The following GNAT3 variants were observed in gnomAD, a reference collection of about 807,000 sequenced individuals.
GNAT3 encodes the protein G protein subunit alpha transducin 3, also known as guanine nucleotide-binding protein G(t) subunit alpha-3.
In GNAT3, 31 loss-of-function variants were observed where a neutral mutation model predicts 37.7. That is an observed-to-expected ratio of 0.82 (90% confidence interval 0.62 to 1.11). GNAT3 has a LOEUF of 1.11. Among genes scored for constraint, GNAT3 ranks in the 50% most tolerant of loss-of-function variants. The pLI is 0.00. For synonymous variants in GNAT3, 138 were observed against 139.8 expected, an observed-to-expected ratio of 0.99 and a Z score of 0.09; for missense variants, 437 against 412.5, an observed-to-expected ratio of 1.06 and a Z score of -0.51.
intron 2 of GNAT3, among the ~76,000 whole-genome samples, chr7:80,491,231 A>T (rs768946952): frequency 2.0e-5 from 3 of 152,192 alleles, no homozygotes; most frequent in Non-Finnish European, 4.4e-5. Flanking sequence ...GTGAAGGCTT[A>T]GCATAACTAT....
At chr7:80,472,725 T>C (rs183269077) in intron 5 of GNAT3, among the ~76,000 whole-genome samples, 37 of 152,004 alleles carry the variant, frequency 2.4e-4, no homozygotes, top group Admixed American at 2.2e-3. Context: ...ACACAGAGAG[T>C]TCTACTGGCT....
At chr7:80,503,499 A>C (rs1387214304) in intron 1 of GNAT3, among the ~76,000 whole-genome samples, 1 of 152,190 alleles carries the variant, frequency 6.6e-6, no homozygotes, top group Admixed American at 6.5e-5. Flanking sequence ...ATTTCATAAG[A>C]TTTTCTCATA....
chr7:80,462,920 A>G (rs973313989), intron 5 of GNAT3, among the ~76,000 whole-genome samples: 9 of 152,200 alleles, frequency 5.9e-5, no homozygotes, highest in African/African-American at 2.2e-4. Flanking sequence ...TAAAACATTC[A>G]TTAGCCACAG....
chr7:80,493,215 C>A (rs527355600), intron 2 of GNAT3, among the ~76,000 whole-genome samples: 2 of 151,912 alleles, frequency 1.3e-5, no homozygotes, highest in East Asian at 3.9e-4. Flanking sequence ...AAGAGAGGTT[C>A]AAGCATGATC....
intron 1 of GNAT3, among the ~76,000 whole-genome samples, chr7:80,506,824 G>C (rs965211196): frequency 1.3e-5 from 2 of 152,096 alleles, no homozygotes; most frequent in African/African-American, 4.8e-5. Flanking sequence ...TTGTGAAATT[G>C]TTAAATCTAG....
At chr7:80,473,276 T>A (rs747822794) in intron 5 of GNAT3, among the ~76,000 whole-genome samples, 2 of 152,020 alleles carry the variant, frequency 1.3e-5, no homozygotes, top group Non-Finnish European at 2.9e-5. Flanking sequence ...TTTTGAAGAG[T>A]TTTTCCGTAT....
At chr7:80,500,541 A>G (rs1790813752) in intron 1 of GNAT3, among the ~76,000 whole-genome samples, 1 of 152,016 alleles carries the variant, frequency 6.6e-6, no homozygotes, top group Non-Finnish European at 1.5e-5. Flanking sequence ...AGGGCAGGAA[A>G]CTATGTCATA....
intron 6 of GNAT3, 60 bp from the exon 7 acceptor site, chr7:80,462,372 G>T: frequency 6.4e-7 from 1 of 1,562,814 alleles, no homozygotes; most frequent in Non-Finnish European, 8.8e-7. Context: ...TGAATGTTGA[G>T]CATCATGAAC....
At chr7:80,510,280 A>C (rs1360673207) in intron 1 of GNAT3, among the ~76,000 whole-genome samples, 2 of 152,076 alleles carry the variant, frequency 1.3e-5, no homozygotes, top group African/African-American at 4.8e-5. Context: ...TCTTAGTCTA[A>C]ATTGTGGTAT....
rs1224435572 is a variant in GNAT3, at chr7:80,478,850, G to A, written c.452C>T (p.Ser151Leu). The change falls in exon 4 of 8, where the codon TCA becomes TTA. Residue 151 changes from serine to leucine, a missense_variant. Transcript: ENST00000398291. ...ERASEYQLND[S>L]AAYYLNDLDR... is the part of the protein sequence containing the mutation. ...AAGTGAATTCACTTACTAAGCTGCT[G>A]AGTCATTGAGCTGATATTCAGATGC... 1 of 1,612,770 alleles carries A rather than the reference G, an allele frequency of 6.2e-7. No homozygotes were observed. The highest frequency in any genetic ancestry group is 8.5e-7 in the Non-Finnish European group (1 of 1,179,212).
chr7:80,497,594 G>GTATATGCATATACA, intron 1 of GNAT3, among the ~76,000 whole-genome samples: 1 of 130,968 alleles, frequency 7.6e-6, no homozygotes, highest in Non-Finnish European at 1.6e-5. Context: ...ATACATATAC[G>GTATATGCATATACA]TATATACATA....
At chr7:80,466,176 A>C (rs1790126764) in intron 5 of GNAT3, among the ~76,000 whole-genome samples, 1 of 152,132 alleles carries the variant, frequency 6.6e-6, no homozygotes, top group Non-Finnish European at 1.5e-5. Flanking sequence ...GTTTGTGCTA[A>C]GGGAGCCCGA....
chr7:80,479,088 A>T, intron 3 of GNAT3, 90 bp from the exon 4 acceptor site: 1 of 920,878 alleles, frequency 1.1e-6, no homozygotes, highest in Admixed American at 2.8e-5. Flanking sequence ...GATAATTTTA[A>T]TCTTATTCTT....
intron 3 of GNAT3, among the ~76,000 whole-genome samples, chr7:80,485,042 A>G (rs938464522): frequency 2.0e-5 from 3 of 152,068 alleles, no homozygotes; most frequent in African/African-American, 4.8e-5. Flanking sequence ...AGACCTTTCA[A>G]TGTGGATAAT....
intron 3 of GNAT3, among the ~76,000 whole-genome samples, chr7:80,482,920 T>C (rs1790416251): frequency 2.0e-5 from 3 of 152,114 alleles, no homozygotes; most frequent in African/African-American, 4.8e-5. Context: ...AACACTTCAA[T>C]GTTACAAAGT....
At position 80,474,298 on chromosome 7, in the gene GNAT3, C is replaced by G. The variant is rs201932308; in HGVS notation, c.543G>C (p.Thr181=). ...AGAATTGAGTTTCAATGATTCCAGT[C>G]GTTTTCACTCGAGAATGGAGAACAT... ...EQDVLHSRVK[T]TGIIETQFSF... Residue 181 remains threonine, a synonymous_variant, in exon 5 of 8, where the codon ACG becomes ACC. Coordinates refer to ENST00000398291, the MANE Select transcript of GNAT3 (RefSeq NM_001102386.3). The G allele has an allele frequency of 5.5e-4, 876 of 1,589,120 alleles. 1 individual carries two copies. Among genetic ancestry groups the G allele is most frequent in the Middle Eastern group, 8.3e-4 (5 of 6,016 alleles).
In GNAT3 at chr7:80,511,972, A is replaced by C. The variant is rs1286957746; in HGVS notation, c.-46T>G. 7.4e-7 allele frequency: 1 copy of C among 1,357,424 alleles called. No homozygotes were observed. Among genetic ancestry groups the C allele is most frequent in the East Asian group, 2.3e-5 (1 of 42,600 alleles). 84.1% of individuals were successfully genotyped at this position (1,357,424 alleles called of 1,614,324 possible). On this transcript the variant is annotated 5_prime_UTR_variant, in exon 1 of 8. In the 5' UTR this introduces an upstream ATG that the reference lacks. Coordinates refer to ENST00000398291, the MANE Select transcript of GNAT3 (RefSeq NM_001102386.3). ...TCAGTTTATATGTTCAGATTTTTCA[A>C]ATGTTGAGCACAGCTGTGGTTTGGA... is the stretch of plus-strand genomic sequence containing the variant.
intron 5 of GNAT3, among the ~76,000 whole-genome samples, chr7:80,470,271 G>A (rs978610231): frequency 6.6e-6 from 1 of 151,596 alleles, no homozygotes; most frequent in East Asian, 1.9e-4. Flanking sequence ...ACCCAGGCTA[G>A]AGCGCAGTGG....
At chr7:80,473,898 G>A (rs2116160639) in intron 5 of GNAT3, among the ~76,000 whole-genome samples, 1 of 152,174 alleles carries the variant, frequency 6.6e-6, no homozygotes, top group African/African-American at 2.4e-5. Context: ...AAATAGAAAG[G>A]CAAAGGAAAT....
Sources: gnomAD v4.1 joint callset for allele counts (sites outside exome capture counted in the v4.1 genomes callset) on GRCh38, gnomAD v4.1.1 for gene constraint, MANE v1.5 for transcripts, NCBI Gene and HGNC (gene_info 2026-07-23, HGNC 2026-07-21) for gene names.